CASR: variants seen among roughly 807,000 people sequenced by gnomAD.
CASR encodes calcium sensing receptor.
CASR carries 23 observed loss-of-function variants against 69.1 expected under a neutral mutation model. The observed-to-expected ratio is 0.33, with a 90% CI of 0.24 to 0.47. The LOEUF is 0.47. Ranked by LOEUF, CASR falls within the 20% of genes least tolerant of loss-of-function variation. The pLI, the probability that CASR is intolerant of heterozygous loss-of-function variation, is 1.00. For missense variants in CASR, 924 were observed against 1,356.1 expected (o/e 0.68, Z 5.00); for synonymous variants, 541 against 544.7 (o/e 0.99, Z 0.10).
chr3:122,275,696 G>T (rs1028099397), intron 4 of CASR, 116 bp from the exon 5 acceptor site: 16 of 768,718 alleles, frequency 2.1e-5, no homozygotes, highest in Non-Finnish European at 3.3e-5. Flanking sequence ...CTCAAGTCAC[G>T]TTCCTCCCAC....
chr3:122,241,861 A>G (rs1416489189), intron 1 of CASR, among the ~76,000 whole-genome samples: 1 of 152,188 alleles, frequency 6.6e-6, no homozygotes, highest in Non-Finnish European at 1.5e-5. Context: ...CTGTGGACGC[A>G]AGGATAGTTC....
intron 4 of CASR, among the ~76,000 whole-genome samples, chr3:122,272,490 TC>T (rs1210732832): frequency 1.4e-4 from 22 of 152,336 alleles, no homozygotes; most frequent in South Asian, 6.2e-4. Context: ...CCTCCCTCTG[TC>T]CTTTGCCAGC....
At chr3:122,259,025 G>T (rs1351804816) in intron 3 of CASR, among the ~76,000 whole-genome samples, 2 of 152,078 alleles carry the variant, frequency 1.3e-5, no homozygotes, top group Admixed American at 6.5e-5. Flanking sequence ...ACAAATTGCG[G>T]TTGGAACAGT....
Position 122,192,548 on chromosome 3 carries a change from C to T in CASR, c.-243+8736C>T, listed in dbSNP as rs565367444. ...AGTTTTACCTTTCTTGCAGAATCTC[C>T]AAGATTCTCTTTATGAATTAATAAC... On this transcript the variant is annotated intron_variant, in intron 1 of 6. Coordinates refer to ENST00000639785, the MANE Select transcript of CASR (RefSeq NM_000388.4). Among the ~76,000 whole-genome samples, 18 of 152,274 alleles carry T rather than the reference C, an allele frequency of 1.2e-4. No individual in the cohort carries two copies. The South Asian group carries it at 3.1e-3, about 26-fold the overall frequency.
chr3:122,217,667 G>T (rs1415158798), intron 1 of CASR, among the ~76,000 whole-genome samples: 1 of 152,170 alleles, frequency 6.6e-6, no homozygotes, highest in African/African-American at 2.4e-5. Flanking sequence ...AGATCTGGAA[G>T]GTTTCTCAGA....
chr3:122,269,788 A>T (rs1576865291), intron 4 of CASR, among the ~76,000 whole-genome samples: 1 of 152,112 alleles, frequency 6.6e-6, no homozygotes, highest in South Asian at 2.1e-4. Flanking sequence ...TTCTTCCTTA[A>T]ATCTTTGGCA....
At chr3:122,226,287 G>A (rs138788603) in intron 1 of CASR, among the ~76,000 whole-genome samples, 3,172 of 152,008 alleles carry the variant, frequency 0.021, 110 homozygotes, top group African/African-American at 0.073. Context: ...GCAGACCTTC[G>A]CAGTGAGTGT....
At chr3:122,257,709 A>G (rs1278970352) in intron 3 of CASR, 1 of 244,490 alleles carries the variant, frequency 4.1e-6, no homozygotes, top group Non-Finnish European at 8.0e-6. Flanking sequence ...TACTTTTACT[A>G]AAAGGAATCA....
At position 122,289,336 on chromosome 3, in the gene CASR, C is replaced by T. The variant is rs1349152104; in HGVS notation, c.*4145C>T. 2.0e-5 allele frequency: 3 copies of T among 152,118 alleles called. No individual in the cohort carries two copies. Among genetic ancestry groups the T allele is most frequent in the Non-Finnish European group, 4.4e-5 (3 of 68,042 alleles). The allele number at this position is 152,118 out of a possible 1,614,324, so 9.4% of individuals were successfully genotyped here. Reference sequence around the variant, plus strand: ...TGGGAGGAAGTTGCCACAGTGAGATCACAGCCTCTGGGAGATGCTGGTTTT... The same window carrying T: ...TGGGAGGAAGTTGCCACAGTGAGATTACAGCCTCTGGGAGATGCTGGTTTT... On this transcript the variant is annotated 3_prime_UTR_variant, in exon 7 of 7. Coordinates refer to ENST00000639785, the MANE Select transcript of CASR (RefSeq NM_000388.4).
chr3:122,223,300 A>C lies in CASR; in HGVS notation c.-242-30648A>C, dbSNP rs147518776. On this transcript the variant is annotated intron_variant, in intron 1 of 6. Transcript: ENST00000639785. ...AAAAATTAAGTGAGATGGATAGGCC[A>C]CTAGCTAGATTAATAAAGAAAAAAG... 4.6e-3 allele frequency among the ~76,000 whole-genome samples: 698 copies of C among 152,084 alleles called. 4 individuals are homozygous for C. Among genetic ancestry groups the C allele is most frequent in the African/African-American group, 0.016 (668 of 41,546 alleles).
chr3:122,252,390 G>GAAA, intron 1 of CASR, among the ~76,000 whole-genome samples: 1 of 9,538 alleles, frequency 1.0e-4, no homozygotes, highest in Non-Finnish European at 2.7e-4. Flanking sequence ...AAGGAAGGAA[G>GAAA]GAAGGAAGGA....
intron 1 of CASR, among the ~76,000 whole-genome samples, chr3:122,247,961 T>C (rs1020148895): frequency 1.3e-5 from 2 of 152,172 alleles, no homozygotes; most frequent in African/African-American, 4.8e-5. Context: ...CTTTGCATTT[T>C]TCCAACTCAA....
chr3:122,236,954 A>G (rs1282809213), intron 1 of CASR, among the ~76,000 whole-genome samples: 1 of 152,174 alleles, frequency 6.6e-6, no homozygotes, highest in East Asian at 1.9e-4. Flanking sequence ...GCAGTGGTAA[A>G]TTAGGCAAGA....
intron 3 of CASR, among the ~76,000 whole-genome samples, chr3:122,259,749 C>G (rs2074598818): frequency 6.6e-6 from 1 of 151,568 alleles, no homozygotes; most frequent in African/African-American, 2.4e-5. Flanking sequence ...CCTGCCTCAG[C>G]CTCCCGAGTA....
chr3:122,258,207 G>A (rs1375689420), intron 3 of CASR, among the ~76,000 whole-genome samples: 1 of 152,102 alleles, frequency 6.6e-6, no homozygotes, highest in Non-Finnish European at 1.5e-5. Flanking sequence ...AATGTCTGTG[G>A]GTGGGAGAAT....
intron 4 of CASR, among the ~76,000 whole-genome samples, chr3:122,266,834 C>G (rs975109952): frequency 4.6e-5 from 7 of 152,016 alleles, no homozygotes; most frequent in African/African-American, 1.7e-4. Flanking sequence ...GAAACCCTGT[C>G]TCTACTAAAA....
At chr3:122,231,373 T>C (rs750434943) in intron 1 of CASR, among the ~76,000 whole-genome samples, 1 of 152,172 alleles carries the variant, frequency 6.6e-6, no homozygotes, top group Non-Finnish European at 1.5e-5. Flanking sequence ...AAGGCACTGT[T>C]TGGGAAGAGA....
intron 1 of CASR, among the ~76,000 whole-genome samples, chr3:122,213,350 G>C (rs6776376): frequency 0.72 from 110,214 of 152,048 alleles, 40,196 homozygotes; most frequent in Admixed American, 0.82. Flanking sequence ...GCCTGCAGCC[G>C]TATTGTCCGT....
chr3:122,223,350 GA>G (rs1454026768), intron 1 of CASR, among the ~76,000 whole-genome samples: 1 of 152,058 alleles, frequency 6.6e-6, no homozygotes, highest in Non-Finnish European at 1.5e-5. Context: ...AACACAATTG[GA>G]AATGACAAAA....
Sources: allele counts gnomAD v4.1 joint callset (sites outside exome capture counted in the v4.1 genomes callset), GRCh38; gene constraint gnomAD v4.1.1; transcripts MANE v1.5; gene names NCBI Gene and HGNC (gene_info 2026-07-23, HGNC 2026-07-21).